Variants in RANBP10 observed in about 807,000 individuals in gnomAD.
RANBP10 encodes RAN binding protein 10, also known as ran-binding protein 10.
RANBP10 carries 24 observed loss-of-function variants against 72.8 expected under a neutral mutation model. That is an observed-to-expected ratio of 0.33 (90% CI 0.24 to 0.46). The LOEUF (loss-of-function observed/expected upper bound fraction) is 0.46, where lower values mean the gene tolerates loss of function less well. Ranked by LOEUF, RANBP10 falls within the 20% of genes least tolerant of loss-of-function variation. The pLI, the probability that RANBP10 is intolerant of heterozygous loss-of-function variation, is 1.00. For synonymous variants in RANBP10, 310 were observed against 322.3 expected, an observed-to-expected ratio of 0.96 and a Z score of 0.41; for missense variants, 679 against 817.5, an observed-to-expected ratio of 0.83 and a Z score of 2.07.
At chr16:67,755,041 G>C (rs2054262096) in intron 3 of RANBP10, among the ~76,000 whole-genome samples, 1 of 152,086 alleles carries the variant, frequency 6.6e-6, no homozygotes, top group Non-Finnish European at 1.5e-5. Context: ...CTCCTCTGAG[G>C]GACACCCAGG....
chr16:67,747,878 T>C (rs911641088), intron 3 of RANBP10, among the ~76,000 whole-genome samples: 1 of 150,380 alleles, frequency 6.6e-6, no homozygotes, highest in African/African-American at 2.5e-5. Flanking sequence ...TGGAGTGCAG[T>C]TGCATGATCT....
At position 67,730,056 on chromosome 16, in the gene RANBP10, G is replaced by A. The variant is rs1180365459; in HGVS notation, c.890-10C>T. On this transcript the variant is annotated splice_polypyrimidine_tract_variant and intron_variant, in intron 7 of 13. Coordinates refer to ENST00000317506, the MANE Select transcript of RANBP10 (RefSeq NM_020850.3). This position sits in a 1 kb window ranked among gnomAD's most constrained non-coding sequence, Gnocchi z 4.3. ...ACCAGCTTCTGGATCTCTGCAGGGT[G>A]CAAGAACACAGCAGTGAGCGAGGGC... The A allele has an allele frequency of 1.9e-6, 3 of 1,609,546 alleles. No individual in the cohort carries two copies. Among genetic ancestry groups the A allele is most frequent in the East Asian group, 2.2e-5 (1 of 44,878 alleles).
chr16:67,734,075 C>G (rs1051729381), intron 6 of RANBP10, among the ~76,000 whole-genome samples: 6 of 152,332 alleles, frequency 3.9e-5, no homozygotes, highest in Admixed American at 3.9e-4. Flanking sequence ...TCCTTGGGGC[C>G]TGCCTCAAGG....
At chr16:67,771,935 G>T in intron 3 of RANBP10, 99 bp downstream of exon 3, 1 of 1,399,810 alleles carries the variant, frequency 7.1e-7, no homozygotes, top group Non-Finnish European at 9.9e-7. Flanking sequence ...TAGGCAGCTA[G>T]CAAACAAAGT....
rs150036591 is a variant in RANBP10 at position 67,752,608 on chromosome 16, A to G, written c.401-8153T>C. Among the ~76,000 whole-genome samples, 622 of 152,204 alleles carry G rather than the reference A, an allele frequency of 4.1e-3. 3 individuals carry two copies. Among genetic ancestry groups the G allele is most frequent in the African/African-American group, 0.013 (558 of 41,526 alleles). On this transcript the variant is annotated intron_variant, in intron 3 of 13. Coordinates refer to ENST00000317506, the MANE Select transcript of RANBP10 (RefSeq NM_020850.3). Reference sequence around the variant, plus strand: ...CTATCAATATTTTTTTCCAGACACAATAAGTGTCTGTGTGTATATATAAGG... The same window carrying G: ...CTATCAATATTTTTTTCCAGACACAGTAAGTGTCTGTGTGTATATATAAGG...
In RANBP10 at chr16:67,729,776, A is replaced by G. The variant is rs377399508; in HGVS notation, c.1051T>C (p.Leu351=). ...TGGGACTTGGGGCTTCGGGAGCTCA[A>G]ACTTCGGACCTCACTGTCCGTCCCA... The part of the protein sequence containing the change: ...VNGTDSEVRS[L]SSRSPKSQDS... The change falls in exon 9 of 14, where the codon TTG becomes CTG. Residue 351 remains leucine, a synonymous_variant. Transcript: ENST00000317506. This position sits in a 1 kb window ranked among gnomAD's most constrained non-coding sequence, Gnocchi z 7.1. 1.2e-5 allele frequency: 19 copies of G among 1,613,992 alleles called. No individual in the cohort carries two copies. Among genetic ancestry groups the G allele is most frequent in the Non-Finnish European group, 1.4e-5 (16 of 1,180,030 alleles).
intron 3 of RANBP10, among the ~76,000 whole-genome samples, chr16:67,765,550 G>A (rs1477663413): frequency 2.6e-5 from 4 of 151,764 alleles, no homozygotes; most frequent in African/African-American, 7.3e-5. Flanking sequence ...AAATAAATTA[G>A]TCGGGGCTGG....
At chr16:67,778,573 A>T (rs980055623) in intron 2 of RANBP10, among the ~76,000 whole-genome samples, 1 of 152,190 alleles carries the variant, frequency 6.6e-6, no homozygotes, top group Non-Finnish European at 1.5e-5. Flanking sequence ...ACTTTTAGCT[A>T]GGAATGGTGA....
intron 3 of RANBP10, among the ~76,000 whole-genome samples, chr16:67,766,655 C>G (rs1481845840): frequency 6.6e-6 from 1 of 152,142 alleles, no homozygotes; most frequent in Non-Finnish European, 1.5e-5. Context: ...GATGCTGGAG[C>G]TAGGCATGTA....
intron 3 of RANBP10, among the ~76,000 whole-genome samples, chr16:67,768,261 T>TGTA (rs1014250354): frequency 2.0e-5 from 3 of 151,538 alleles, no homozygotes; most frequent in Non-Finnish European, 2.9e-5. Flanking sequence ...TGCCTCACGT[T>TGTA]GTAATCTTAC....
chr16:67,799,617 C>T (rs1451700585), intron 2 of RANBP10, among the ~76,000 whole-genome samples: 1 of 152,102 alleles, frequency 6.6e-6, no homozygotes, highest in Admixed American at 6.6e-5. Context: ...ACTGTTTCTT[C>T]TGCCTGAAGC....
At chr16:67,799,372 C>T (rs1399125894) in intron 2 of RANBP10, among the ~76,000 whole-genome samples, 4 of 149,760 alleles carry the variant, frequency 2.7e-5, no homozygotes, top group Non-Finnish European at 5.9e-5. Context: ...ACTGCAAGCT[C>T]GGCCTCCCGG....
intron 2 of RANBP10, among the ~76,000 whole-genome samples, chr16:67,787,545 C>T (rs576557006): frequency 6.6e-6 from 1 of 152,194 alleles, no homozygotes; most frequent in African/African-American, 2.4e-5. Context: ...CCCAAAAGAA[C>T]TGAAAATAGG....
chr16:67,752,542 G>A (rs1295266536), intron 3 of RANBP10, among the ~76,000 whole-genome samples: 1 of 152,030 alleles, frequency 6.6e-6, no homozygotes, highest in Non-Finnish European at 1.5e-5. Context: ...TTCTGGTAAG[G>A]GGTCTGCCAT....
intron 3 of RANBP10, among the ~76,000 whole-genome samples, chr16:67,763,806 T>C (rs932064409): frequency 7.2e-5 from 11 of 152,238 alleles, no homozygotes; most frequent in Non-Finnish European, 1.0e-4. Context: ...GCGATTCTCC[T>C]GCCTCAGCCT....
chr16:67,761,009 T>C (rs2054385937), intron 3 of RANBP10, among the ~76,000 whole-genome samples: 1 of 152,228 alleles, frequency 6.6e-6, no homozygotes, highest in Non-Finnish European at 1.5e-5. Context: ...CCCTGGCCTC[T>C]GCCCTTCCCT....
chr16:67,783,022 C>A (rs2054843153), intron 2 of RANBP10, among the ~76,000 whole-genome samples: 2 of 152,034 alleles, frequency 1.3e-5, no homozygotes, highest in South Asian at 4.1e-4. Context: ...ACAGTCAGCT[C>A]CTTGGTCCAC....
chr16:67,742,334 C>A (rs1453971592), intron 4 of RANBP10, among the ~76,000 whole-genome samples: 1 of 152,112 alleles, frequency 6.6e-6, no homozygotes, highest in Non-Finnish European at 1.5e-5. Context: ...AACATAAACA[C>A]AAACAACAAA....
rs1250880331 is a variant in RANBP10, at chr16:67,806,546, A to T, written c.-10T>A. 6.7e-7 allele frequency: 1 copy of T among 1,488,290 alleles called. No individual in the cohort carries two copies. Among genetic ancestry groups the T allele is most frequent in the East Asian group, 2.5e-5 (1 of 40,606 alleles). The allele number at this position is 1,488,290 out of a possible 1,614,324, so 92.2% of individuals were successfully genotyped here. On this transcript the variant is annotated 5_prime_UTR_variant, in exon 1 of 14. Coordinates refer to ENST00000317506, the MANE Select transcript of RANBP10 (RefSeq NM_020850.3). ...CCGTCGCTGCCGCCATCTTGGAGGG[A>T]GCTACTATTGTGTCACTGGGGGCGG... is the stretch of plus-strand genomic sequence containing the variant.
Sources: allele counts gnomAD v4.1 joint callset (sites outside exome capture counted in the v4.1 genomes callset), GRCh38; gene constraint gnomAD v4.1.1; non-coding constraint Gnocchi (gnomAD v3.1); transcripts MANE v1.5; gene names NCBI Gene and HGNC (gene_info 2026-07-23, HGNC 2026-07-21).